Variants in EEA1 observed in about 807,000 individuals in gnomAD.
EEA1 encodes early endosome antigen 1, 162kD.
Under a neutral mutation model 209.2 loss-of-function variants are expected in EEA1, and 111 were observed. The ratio of observed to expected loss-of-function variants is 0.53; its 90% CI spans 0.45 to 0.62. The LOEUF is 0.62. Ranked by LOEUF, EEA1 falls within the 20% of genes least tolerant of loss-of-function variation. EEA1 has a pLI of 0.00. For missense variants in EEA1, 1,343 were observed against 1,530.8 expected, an observed-to-expected ratio of 0.88 and a Z score of 2.05; for synonymous variants, 536 against 540.6, an observed-to-expected ratio of 0.99 and a Z score of 0.12.
chr12:92,842,490 A>G lies in EEA1; in HGVS notation c.890T>C (p.Val297Ala), dbSNP rs751221259. Residue 297 changes from valine (V) to alanine (A), a missense_variant, in exon 10 of 29, where the codon GTT becomes GCT. Coordinates refer to ENST00000322349, the MANE Select transcript of EEA1 (RefSeq NM_003566.4). ...VQELQKLKSS[V>A]NELTQKNQTL... Reference sequence around the variant, plus strand: ...CTGATTTTTTTGTGTTAATTCATTAACTGAACTTTTCAGTTTTTGTAGTTC... The same window carrying G: ...CTGATTTTTTTGTGTTAATTCATTAGCTGAACTTTTCAGTTTTTGTAGTTC... 2.7e-5 allele frequency: 44 copies of G among 1,600,436 alleles called. No individual in the cohort carries two copies. The highest frequency in any genetic ancestry group is 2.3e-4 in the South Asian group (20 of 88,874).
intron 16 of EEA1, among the ~76,000 whole-genome samples, chr12:92,812,535 T>A (rs962817426): frequency 2.6e-5 from 4 of 152,146 alleles, no homozygotes; most frequent in African/African-American, 9.7e-5. Context: ...GTAACTCTTA[T>A]AACTGAGGTA....
intron 2 of EEA1, among the ~76,000 whole-genome samples, chr12:92,880,131 G>A (rs1024594039): frequency 6.6e-6 from 1 of 152,202 alleles, no homozygotes; most frequent in Non-Finnish European, 1.5e-5. Flanking sequence ...ACAAACTGCT[G>A]TTGATCTCAA....
At chr12:92,881,665 T>C (rs1879150583) in intron 2 of EEA1, among the ~76,000 whole-genome samples, 1 of 152,074 alleles carries the variant, frequency 6.6e-6, no homozygotes, top group Non-Finnish European at 1.5e-5. Context: ...GACAGGCCAT[T>C]AGTGAGTAGT....
chr12:92,782,934 C>T (rs879879016), intron 22 of EEA1, among the ~76,000 whole-genome samples: 11 of 152,224 alleles, frequency 7.2e-5, no homozygotes, highest in South Asian at 2.1e-4. Context: ...GCTGAACATA[C>T]GGAGCCTGGA....
rs551676624 is a variant in EEA1, at chr12:92,832,757, C to G, written c.1009G>C (p.Ala337Pro). The G allele has an allele frequency of 1.2e-6, 2 of 1,613,888 alleles. No homozygotes were observed. Among genetic ancestry groups the G allele is most frequent in the Non-Finnish European group, 1.7e-6 (2 of 1,179,934 alleles). ...EESVSKKNIQ[A>P]TLHQKDLDCQ... The stretch of plus-strand genomic sequence containing the variant: ...TCTAGGTCTTTTTGATGAAGGGTTG[C>G]CTGAATATTCTTTTTACTCACAGAT... The change falls in exon 11 of 29, where the codon GCA becomes CCA. Residue 337 changes from alanine to proline, a missense_variant. Coordinates refer to ENST00000322349, the MANE Select transcript of EEA1 (RefSeq NM_003566.4).
At chr12:92,835,413 T>C (rs1305161826) in intron 10 of EEA1, 3 of 320,700 alleles carry the variant, frequency 9.4e-6, no homozygotes, top group Non-Finnish European at 1.8e-5. Flanking sequence ...TTTTTTTTTT[T>C]TTTTTTTTTT....
At chr12:92,876,049 C>T (rs772579587) in intron 2 of EEA1, among the ~76,000 whole-genome samples, 1 of 151,856 alleles carries the variant, frequency 6.6e-6, no homozygotes, top group Non-Finnish European at 1.5e-5. Context: ...TTCAATAACA[C>T]CAACTGTCTA....
chr12:92,892,575 A>C (rs527666112), intron 1 of EEA1, among the ~76,000 whole-genome samples: 46 of 139,784 alleles, frequency 3.3e-4, no homozygotes, highest in African/African-American at 9.6e-4. Flanking sequence ...TTTTGAAACA[A>C]GAGTCTTGCT....
chr12:92,783,310 G>A (rs766321427), intron 22 of EEA1, among the ~76,000 whole-genome samples: 1 of 152,170 alleles, frequency 6.6e-6, no homozygotes, highest in African/African-American at 2.4e-5. Context: ...GCTTCTTGGT[G>A]TGTGTGGGAA....
chr12:92,891,722 C>G lies in EEA1; in HGVS notation c.25-1G>C. On this transcript the variant is annotated splice_acceptor_variant, in intron 1 of 28. Transcript: ENST00000322349. LOFTEE classifies it high-confidence loss of function. ...CTTGAGAGCCAACTCTCCCAGGAGT[C>G]TGGAACACAAACAGTAGGGAGGAAA... 2 of 1,605,080 alleles carry G rather than the reference C, an allele frequency of 1.2e-6. No homozygotes were observed. Among genetic ancestry groups the G allele is most frequent in the Non-Finnish European group, 1.7e-6 (2 of 1,176,958 alleles).
chr12:92,820,358 G>A (rs539237174), intron 13 of EEA1, among the ~76,000 whole-genome samples: 1 of 152,180 alleles, frequency 6.6e-6, no homozygotes, highest in South Asian at 2.1e-4. Flanking sequence ...CTCATGATTT[G>A]TGCCAATATT....
intron 14 of EEA1, among the ~76,000 whole-genome samples, chr12:92,819,046 A>G (rs1196335992): frequency 2.6e-5 from 4 of 152,214 alleles, no homozygotes; most frequent in Admixed American, 6.5e-5. Flanking sequence ...CTAATAATGT[A>G]AAATGATTTA....
At chr12:92,853,089 T>C in intron 6 of EEA1, 64 bp from the exon 7 acceptor site, 1 of 1,040,798 alleles carries the variant, frequency 9.6e-7, no homozygotes, top group Non-Finnish European at 1.4e-6. Context: ...TTGTTATTAC[T>C]TATATTTATT....
At chr12:92,828,112 A>G in intron 11 of EEA1, 51 bp from the exon 12 acceptor site, 2 of 1,299,552 alleles carry the variant, frequency 1.5e-6, no homozygotes, top group Non-Finnish European at 1.0e-6. Flanking sequence ...ACACACACAC[A>G]GCACCACCTA....
intron 10 of EEA1, among the ~76,000 whole-genome samples, chr12:92,838,568 ATATTT>A (rs1877030063): frequency 6.6e-6 from 1 of 152,218 alleles, no homozygotes; most frequent in African/African-American, 2.4e-5. Flanking sequence ...ATGAAAGATT[ATATTT>A]TAAACATCAA....
At chr12:92,851,076 T>C (rs775675523) in intron 9 of EEA1, 35 bp downstream of exon 9, 5 of 1,605,542 alleles carry the variant, frequency 3.1e-6, no homozygotes, top group Non-Finnish European at 3.4e-6. Flanking sequence ...CACAAGCTAA[T>C]ATGAATCACA....
chr12:92,793,176 A>T (rs1874491387), intron 21 of EEA1, among the ~76,000 whole-genome samples: 1 of 152,350 alleles, frequency 6.6e-6, no homozygotes, highest in East Asian at 1.9e-4. Flanking sequence ...CCAATATCAT[A>T]CTGAATGGGC....
At chr12:92,914,953 C>T (rs1192246850) in intron 1 of EEA1, among the ~76,000 whole-genome samples, 4 of 152,048 alleles carry the variant, frequency 2.6e-5, no homozygotes, top group Non-Finnish European at 5.9e-5. Flanking sequence ...TGTGAGCCAC[C>T]GCACCTGGCC....
At chr12:92,856,337 T>A (rs1877876750) in intron 5 of EEA1, among the ~76,000 whole-genome samples, 1 of 152,092 alleles carries the variant, frequency 6.6e-6, no homozygotes, top group Non-Finnish European at 1.5e-5. Context: ...GAAAATACAC[T>A]AAACTATATA....
Sources: gnomAD v4.1 joint callset for allele counts (sites outside exome capture counted in the v4.1 genomes callset) on GRCh38, gnomAD v4.1.1 for gene constraint, MANE v1.5 for transcripts, NCBI Gene and HGNC (gene_info 2026-07-23, HGNC 2026-07-21) for gene names.